Variants in ENAH observed in about 807,000 individuals in gnomAD.
ENAH encodes ENAH actin regulator, also known as protein enabled homolog.
A neutral mutation model predicts 78.7 loss-of-function variants in ENAH; 23 were observed. The ratio of observed to expected loss-of-function variants is 0.29; its 90% CI spans 0.21 to 0.41. The LOEUF (loss-of-function observed/expected upper bound fraction) is 0.41, where lower values mean the gene tolerates loss of function less well. ENAH is among the 10% of genes least tolerant of loss of function. The pLI, the probability that ENAH is intolerant of heterozygous loss-of-function variation, is 1.00. For synonymous variants in ENAH, 226 were observed against 241.0 expected, an observed-to-expected ratio of 0.94 and a Z score of 0.58; for missense variants, 544 against 691.0, an observed-to-expected ratio of 0.79 and a Z score of 2.39.
intron 1 of ENAH, among the ~76,000 whole-genome samples, chr1:225,615,974 T>C (rs2097029029): frequency 6.6e-6 from 1 of 152,206 alleles, no homozygotes; most frequent in Non-Finnish European, 1.5e-5. Context: ...CTCCATTTTG[T>C]TCTGTACTAA....
At chr1:225,646,798 T>C (rs571673301) in intron 1 of ENAH, among the ~76,000 whole-genome samples, 1 of 150,932 alleles carries the variant, frequency 6.6e-6, no homozygotes, top group South Asian at 2.1e-4. Context: ...AAAAAATTAA[T>C]AAATAAAAAT....
chr1:225,642,613 T>G (rs1465332131), intron 1 of ENAH, among the ~76,000 whole-genome samples: 2 of 152,032 alleles, frequency 1.3e-5, no homozygotes, highest in Non-Finnish European at 2.9e-5. Context: ...GAGGTTGCAG[T>G]AAGCTATGAT....
chr1:225,559,761 G>A lies in ENAH; in HGVS notation c.172-4678C>T, dbSNP rs1353280296. On this transcript the variant is annotated intron_variant, in intron 2 of 13. Coordinates refer to ENST00000366843, the MANE Select transcript of ENAH (RefSeq NM_018212.6). ...TAAAAAAGCTCTCAGCAGACAGTAAGAGAATCAGACCTCCATATCCACAAT... is the reference window on the plus strand; with the variant it reads ...TAAAAAAGCTCTCAGCAGACAGTAAAAGAATCAGACCTCCATATCCACAAT... 2.6e-5 allele frequency among the ~76,000 whole-genome samples: 4 copies of A among 152,146 alleles called. No homozygotes were observed. In the East Asian group the frequency reaches 7.7e-4, roughly 29 times the overall value.
Position 225,497,345 on chromosome 1 carries a change from A to G in ENAH, c.*430T>C, listed in dbSNP as rs954236364. Reference sequence around the variant, plus strand: ...AACCTGAGAGAAACATTACAATACAATAGCAAACTTGCTCAATTCTTTACC... The same window carrying G: ...AACCTGAGAGAAACATTACAATACAGTAGCAAACTTGCTCAATTCTTTACC... On this transcript the variant is annotated 3_prime_UTR_variant, in exon 14 of 14. Coordinates refer to ENST00000366843, the MANE Select transcript of ENAH (RefSeq NM_018212.6). The G allele has an allele frequency of 1.3e-5, 2 of 155,826 alleles. No homozygotes were observed. Among genetic ancestry groups the G allele is most frequent in the African/African-American group, 4.8e-5 (2 of 41,506 alleles). The allele number at this position is 155,826 out of a possible 1,614,324, so 9.7% of individuals were successfully genotyped here. A position where few individuals can be genotyped will look rare whatever the true frequency, so the allele number is the denominator to read the frequency against.
intron 1 of ENAH, among the ~76,000 whole-genome samples, chr1:225,633,227 T>G (rs961469133): frequency 4.0e-5 from 6 of 151,574 alleles, no homozygotes; most frequent in African/African-American, 1.5e-4. Context: ...TTTTTTTGTA[T>G]TTTTATTAGA....
At chr1:225,521,246 T>C (rs1313816673) in intron 4 of ENAH, among the ~76,000 whole-genome samples, 1 of 152,186 alleles carries the variant, frequency 6.6e-6, no homozygotes, top group East Asian at 1.9e-4. Context: ...TTTTTCTGTT[T>C]CTATAGGATC....
intron 1 of ENAH, among the ~76,000 whole-genome samples, chr1:225,609,768 G>A (rs1199104226): frequency 7.1e-6 from 1 of 141,566 alleles, no homozygotes; most frequent in Non-Finnish European, 1.5e-5. Flanking sequence ...AGGTTCAAGT[G>A]GTTCTCATGC....
rs2096248991 is a variant in ENAH, at chr1:225,496,167, TA to T, written c.*1607del. The T allele has an allele frequency of 6.6e-6, 1 of 152,646 alleles. No homozygotes were observed. The highest frequency in any genetic ancestry group is 1.5e-5 in the Non-Finnish European group (1 of 68,040). The allele number at this position is 152,646 out of a possible 1,614,324, so 9.5% of individuals were successfully genotyped here. On this transcript the variant is annotated 3_prime_UTR_variant, in exon 14 of 14. Coordinates refer to ENST00000366843, the MANE Select transcript of ENAH (RefSeq NM_018212.6). Reference sequence around the variant, plus strand: ...AAGATGGAGAGCCTGGAGAGTTTCTTAAATTTTCCAAAAAGCTATCATTCCA... The same window carrying T: ...AAGATGGAGAGCCTGGAGAGTTTCTTAATTTTCCAAAAAGCTATCATTCCA...
intron 1 of ENAH, among the ~76,000 whole-genome samples, chr1:225,605,363 T>C (rs2096951368): frequency 6.6e-6 from 1 of 152,192 alleles, no homozygotes; most frequent in Non-Finnish European, 1.5e-5. Flanking sequence ...ACTTTTAACA[T>C]ACATCGTCCT....
At position 225,514,730 on chromosome 1, in the gene ENAH, G is replaced by T; in HGVS notation, c.1084C>A (p.Pro362Thr). Residue 362 changes from proline to threonine, a missense_variant, in exon 7 of 14, where the codon CCT becomes ACT. Pro to Thr is a conservative substitution (Grantham distance 38). Transcript: ENST00000366843. ...GGGGCAGGAGGTGGTGGAGGAGGAGGGGGTACTTGATTAGGGAGAGGAGGG... is the reference window on the plus strand; with the variant it reads ...GGGGCAGGAGGTGGTGGAGGAGGAGTGGGTACTTGATTAGGGAGAGGAGGG... ...PPPPLPNQVP[P>T]PPPPPPAPPL... 1.3e-6 allele frequency: 2 copies of T among 1,524,564 alleles called. No homozygotes were observed. Among genetic ancestry groups the T allele is most frequent in the Non-Finnish European group, 1.8e-6 (2 of 1,112,186 alleles). 94.4% of individuals were successfully genotyped at this position (1,524,564 alleles called of 1,614,324 possible).
At chr1:225,613,353 C>T (rs1343819821) in intron 1 of ENAH, among the ~76,000 whole-genome samples, 1 of 152,186 alleles carries the variant, frequency 6.6e-6, no homozygotes, top group Non-Finnish European at 1.5e-5. Context: ...CCTTCTCCTC[C>T]ATTCAGCTAC....
At chr1:225,553,488 A>G (rs559173158) in intron 3 of ENAH, among the ~76,000 whole-genome samples, 122 of 152,280 alleles carry the variant, frequency 8.0e-4, no homozygotes, top group Non-Finnish European at 1.2e-3. Context: ...GTTTGTTCTA[A>G]AACACGGGAT....
chr1:225,653,258 C>G (rs1272920144), upstream of ENAH: 3 of 150,184 alleles, frequency 2.0e-5, no homozygotes, highest in Admixed American at 1.3e-4. This position sits in a 1 kb window ranked among gnomAD's most constrained non-coding sequence, Gnocchi z 4.3. Context: ...GGCGGGGGGC[C>G]GGGCGCACTC....
chr1:225,499,428 T>C (rs569616646), intron 12 of ENAH, among the ~76,000 whole-genome samples: 1 of 152,274 alleles, frequency 6.6e-6, no homozygotes, highest in African/African-American at 2.4e-5. Context: ...TCTCAGCACT[T>C]TGGGAGGCCA....
At chr1:225,512,527 A>G (rs1363407500) in intron 9 of ENAH, 130 bp downstream of exon 9, 3 of 856,458 alleles carry the variant, frequency 3.5e-6, no homozygotes, top group Non-Finnish European at 5.3e-6. Flanking sequence ...TCACATGCAT[A>G]GTTAAAAATT....
chr1:225,509,554 T>C lies in ENAH; in HGVS notation c.1472-1537A>G, dbSNP rs544091558. Among the ~76,000 whole-genome samples, 4 of 152,338 alleles carry C rather than the reference T, an allele frequency of 2.6e-5. No individual in the cohort carries two copies. The East Asian group carries it at 5.8e-4, about 22-fold the overall frequency. On this transcript the variant is annotated intron_variant, in intron 10 of 13. Transcript: ENST00000366843. ...TGGGTTCCCTTCAGAGGATCTTTAC[T>C]GGCATGCGTATAGAGCTTCCTAATT...
At chr1:225,594,425 T>C (rs1226182966) in intron 1 of ENAH, among the ~76,000 whole-genome samples, 1 of 152,210 alleles carries the variant, frequency 6.6e-6, no homozygotes, top group African/African-American at 2.4e-5. Context: ...ACCTTCTTAA[T>C]TGTTACTGCT....
chr1:225,609,441 G>A (rs1051167605), intron 1 of ENAH, among the ~76,000 whole-genome samples: 3 of 151,844 alleles, frequency 2.0e-5, no homozygotes, highest in Non-Finnish European at 4.4e-5. Context: ...TAACCATATA[G>A]AGAAGATGGA....
intron 1 of ENAH, among the ~76,000 whole-genome samples, chr1:225,585,661 C>T (rs2096842613): frequency 6.6e-6 from 1 of 152,018 alleles, no homozygotes; most frequent in Admixed American, 6.6e-5. Context: ...TGGTGGTGTG[C>T]ACCTGTAGTC....
Sources: allele counts gnomAD v4.1 joint callset (sites outside exome capture counted in the v4.1 genomes callset), GRCh38; gene constraint gnomAD v4.1.1; non-coding constraint Gnocchi (gnomAD v3.1); transcripts MANE v1.5; gene names NCBI Gene and HGNC (gene_info 2026-07-23, HGNC 2026-07-21).